PCDHGA2: variants seen among roughly 807,000 people sequenced by gnomAD.
PCDHGA2 encodes protocadherin gamma-A2.
Under a neutral mutation model 59.2 loss-of-function variants are expected in PCDHGA2, and 40 were observed. That is an observed-to-expected ratio of 0.68 (90% CI 0.52 to 0.88). The LOEUF is 0.88. Among genes scored for constraint, PCDHGA2 ranks in the 40% least tolerant of loss-of-function variants. The pLI, the probability that PCDHGA2 is intolerant of heterozygous loss-of-function variation, is 0.00. For missense variants in PCDHGA2, 1,226 were observed against 1,204.0 expected (o/e 1.02, Z -0.27); for synonymous variants, 560 against 526.0 (o/e 1.06, Z -0.89).
intron 1 of PCDHGA2, chr5:141,419,197 T>A (rs560134083): frequency 6.2e-7 from 1 of 1,613,966 alleles, no homozygotes; most frequent in East Asian, 2.2e-5. Flanking sequence ...CTGACGTCAA[T>A]GACAACGCGC....
chr5:141,377,241 ATTTGTAAGGTTCTTTCTTT>A (rs1413175738), intron 1 of PCDHGA2: 3 of 151,708 alleles, frequency 2.0e-5, no homozygotes, highest in Non-Finnish European at 4.4e-5. Context: ...ACTATGTGAC[ATTTGTAAGGTTCTTTCTTT>A]TTCTAATGTG....
Position 141,340,741 on chromosome 5 carries a change from G to A in PCDHGA2, c.1770G>A (p.Lys590=). 1 of 1,614,090 alleles carries A rather than the reference G, an allele frequency of 6.2e-7. No homozygotes were observed. The highest frequency in any genetic ancestry group is 2.2e-5 in the East Asian group (1 of 44,856). The change falls in exon 1 of 4, where the codon AAG becomes AAA. Residue 590 remains lysine, a synonymous_variant. Coordinates refer to ENST00000394576, the MANE Select transcript of PCDHGA2 (RefSeq NM_018915.4). ...CAGAGCCCGGCTACCTGGTGACCAA[G>A]GTGGTGGCGGTGGACAGAGACTCGG... ...RSAEPGYLVT[K]VVAVDRDSGQ...
intron 1 of PCDHGA2, chr5:141,360,160 G>C (rs1368478719): frequency 2.5e-6 from 4 of 1,606,014 alleles, no homozygotes; most frequent in Non-Finnish European, 3.4e-6. Flanking sequence ...AGGGAGGTGC[G>C]GGCTGGTGCG....
At chr5:141,390,969 G>A (rs1232299434) in intron 1 of PCDHGA2, 5 of 152,168 alleles carry the variant, frequency 3.3e-5, no homozygotes, top group African/African-American at 4.8e-5. Flanking sequence ...TGTAACATAG[G>A]AGTTTCAGGA....
intron 1 of PCDHGA2, chr5:141,402,800 C>T: frequency 1.9e-6 from 2 of 1,072,726 alleles, no homozygotes; most frequent in African/African-American, 1.6e-5. Flanking sequence ...ACACAAAACC[C>T]GGCAGATACC....
At chr5:141,369,706 T>G (rs973435309) in intron 1 of PCDHGA2, among the ~76,000 whole-genome samples, 2 of 152,204 alleles carry the variant, frequency 1.3e-5, no homozygotes, top group Admixed American at 1.3e-4. Context: ...AGCTATGACA[T>G]TATAACTTTT....
At chr5:141,378,646 T>C (rs1429624109) in intron 1 of PCDHGA2, 2 of 152,184 alleles carry the variant, frequency 1.3e-5, no homozygotes. Flanking sequence ...GGAGAACAAA[T>C]GTTAATGAGG....
At chr5:141,357,032 C>G in intron 1 of PCDHGA2, 7 of 1,614,066 alleles carry the variant, frequency 4.3e-6, no homozygotes, top group Non-Finnish European at 5.9e-6. Context: ...CTACTCAAGT[C>G]CAGCGAGCCG....
intron 1 of PCDHGA2, chr5:141,388,401 A>C: frequency 6.2e-7 from 1 of 1,614,026 alleles, no homozygotes; most frequent in East Asian, 2.2e-5. Context: ...TTACCAACTC[A>C]GTCCCAGTGA....
At chr5:141,452,251 ACT>A (rs899414988) in intron 1 of PCDHGA2, among the ~76,000 whole-genome samples, 29 of 152,204 alleles carry the variant, frequency 1.9e-4, no homozygotes, top group African/African-American at 6.7e-4. Flanking sequence ...TTTTGCCATA[ACT>A]CTCTCATTTT....
intron 1 of PCDHGA2, chr5:141,389,882 G>A: frequency 6.2e-7 from 1 of 1,614,082 alleles, no homozygotes; most frequent in Non-Finnish European, 8.5e-7. Flanking sequence ...CCGACAGCTT[G>A]CAGGAGGTGC....
At chr5:141,361,617 C>T (rs762792613) in intron 1 of PCDHGA2, 3 of 1,613,984 alleles carry the variant, frequency 1.9e-6, no homozygotes, top group South Asian at 1.1e-5. Flanking sequence ...TCGTAGCGAG[C>T]GACCTGAAGC....
intron 1 of PCDHGA2, chr5:141,387,557 G>C (rs571413429): frequency 2.4e-6 from 1 of 416,144 alleles, no homozygotes; most frequent in South Asian, 5.2e-5. Context: ...TTTCAGTTAG[G>C]CACACAATTA....
chr5:141,460,766 A>G (rs1370331016), intron 1 of PCDHGA2, among the ~76,000 whole-genome samples: 1 of 152,056 alleles, frequency 6.6e-6, no homozygotes, highest in Non-Finnish European at 1.5e-5. Flanking sequence ...TACATATTGC[A>G]TATGTATGTA....
Position 141,341,172 on chromosome 5 carries a change from G to T in PCDHGA2, c.2201G>T (p.Gly734Val), listed in dbSNP as rs1757029041. The T allele has an allele frequency of 6.2e-7, 1 of 1,614,102 alleles. No individual in the cohort carries two copies. Among genetic ancestry groups the T allele is most frequent in the African/African-American group, 1.3e-5 (1 of 74,940 alleles). ...CAGGCTTCAGGAGGCAGCTTGACAG[G>T]CATGCAGAGCTCGCACTTTGTGGGC... ...LLQASGGSLT[G>V]MQSSHFVGVD... is the part of the protein sequence containing the mutation. The change falls in exon 1 of 4, where the codon GGC (glycine) becomes GTC (valine). Residue 734 changes from glycine to valine, a missense_variant. Physicochemically the swap from Gly to Val is moderately radical, Grantham distance 109. Coordinates refer to ENST00000394576, the MANE Select transcript of PCDHGA2 (RefSeq NM_018915.4).
Position 141,491,902 on chromosome 5 carries a change from G to C in PCDHGA2, c.2425-2905G>C. On this transcript the variant is annotated intron_variant, in intron 1 of 3. Transcript: ENST00000394576. This position sits in a 1 kb window ranked among gnomAD's most constrained non-coding sequence, Gnocchi z 6.9. ...AGGGATGGGGCTCCGAGCACCGGGG[G>C]TGGTGGCGACTGTGGGCGAGGGGAG... 7.0e-7 allele frequency: 1 copy of C among 1,429,002 alleles called. No individual in the cohort carries two copies. Among genetic ancestry groups the C allele is most frequent in the Non-Finnish European group, 9.3e-7 (1 of 1,079,426 alleles). The allele number at this position is 1,429,002 out of a possible 1,614,324, so 88.5% of individuals were successfully genotyped here. A position where few individuals can be genotyped will look rare whatever the true frequency, so the allele number is the denominator to read the frequency against.
intron 1 of PCDHGA2, chr5:141,405,547 G>A (rs2094685057): frequency 1.6e-6 from 1 of 629,986 alleles, no homozygotes; most frequent in Non-Finnish European, 2.7e-6. Context: ...AGCCTCCCAA[G>A]TAGAGTAGCT....
chr5:141,481,427 T>C lies in PCDHGA2; in HGVS notation c.2425-13380T>C, dbSNP rs79272909. Reference sequence around the variant, plus strand: ...TTGTATAATTAGATTGTGATGATGATTGTATCAGTTTAGTACATGTAAATA... The same window carrying C: ...TTGTATAATTAGATTGTGATGATGACTGTATCAGTTTAGTACATGTAAATA... On this transcript the variant is annotated intron_variant, in intron 1 of 3. Transcript: ENST00000394576. Among the ~76,000 whole-genome samples the C allele has an allele frequency of 6.0e-3, 907 of 152,334 alleles. 5 individuals are homozygous for C. Among genetic ancestry groups the C allele is most frequent in the African/African-American group, 0.02 (840 of 41,578 alleles).
At chr5:141,365,344 G>C (rs1449148775) in intron 1 of PCDHGA2, 1 of 1,613,966 alleles carries the variant, frequency 6.2e-7, no homozygotes, top group Non-Finnish European at 8.5e-7. Context: ...TCACAGTACA[G>C]GACGTGAATG....
Sources: gnomAD v4.1 joint callset for allele counts (sites outside exome capture counted in the v4.1 genomes callset) on GRCh38, gnomAD v4.1.1 for gene constraint, Gnocchi (gnomAD v3.1) non-coding constraint, MANE v1.5 for transcripts, NCBI Gene and HGNC (gene_info 2026-07-23, HGNC 2026-07-21) for gene names.